Variants in CADM1 observed in about 807,000 individuals in gnomAD.
CADM1 encodes the protein TSLC-1.
A neutral mutation model predicts 53.1 loss-of-function variants in CADM1; 15 were observed. The ratio of observed to expected loss-of-function variants is 0.28; its 90% CI spans 0.19 to 0.44. The LOEUF (loss-of-function observed/expected upper bound fraction) is 0.44. Ranked by LOEUF, CADM1 falls within the 20% of genes least tolerant of loss-of-function variation. The probability of loss-of-function intolerance (pLI) is 1.00; values close to 1 mark genes in which losing one functional copy is unlikely to be tolerated. For synonymous variants in CADM1, 281 were observed against 243.0 expected (o/e 1.16, Z -1.45); for missense variants, 434 against 611.3 (o/e 0.71, Z 3.06).
chr11:115,186,063 G>A (rs529880020), intron 10 of CADM1, among the ~76,000 whole-genome samples: 27 of 152,346 alleles, frequency 1.8e-4, no homozygotes, highest in African/African-American at 6.5e-4. Flanking sequence ...GTTGGATTAT[G>A]AGAAAGACCA....
At chr11:115,285,720 T>A (rs1013756596) in intron 1 of CADM1, among the ~76,000 whole-genome samples, 1 of 152,118 alleles carries the variant, frequency 6.6e-6, no homozygotes, top group Non-Finnish European at 1.5e-5. Context: ...AATTAATGTG[T>A]CTAAGAGCAC....
chr11:115,297,705 T>A (rs1337941049), intron 1 of CADM1, among the ~76,000 whole-genome samples: 1 of 152,208 alleles, frequency 6.6e-6, no homozygotes. Flanking sequence ...TGTGATCCAA[T>A]GCATCCCTAA....
intron 1 of CADM1, among the ~76,000 whole-genome samples, chr11:115,353,996 C>T (rs1355077317): frequency 6.6e-6 from 1 of 152,136 alleles, no homozygotes; most frequent in African/African-American, 2.4e-5. Context: ...TGTTTAAAAT[C>T]ATGCACAGGA....
At chr11:115,311,709 T>C (rs1476118002) in intron 1 of CADM1, among the ~76,000 whole-genome samples, 2 of 152,148 alleles carry the variant, frequency 1.3e-5, no homozygotes, top group Non-Finnish European at 2.9e-5. Flanking sequence ...GCATGGAGCT[T>C]GCAGAAAGTC....
At chr11:115,413,641 G>GTTTTTTTTTTTTT (rs1215267771) in intron 1 of CADM1, among the ~76,000 whole-genome samples, 3 of 94,194 alleles carry the variant, frequency 3.2e-5, no homozygotes, top group Non-Finnish European at 8.2e-5. Flanking sequence ...CTCCAGCTCA[G>GTTTTTTTTTTTTT]TTCTTTTTTT....
chr11:115,434,862 TA>T (rs1304128016), intron 1 of CADM1, among the ~76,000 whole-genome samples: 1,623 of 141,838 alleles, frequency 0.011, 39 homozygotes, highest in African/African-American at 0.034. Context: ...TTATTATTAT[TA>T]TTTTTTTTTT....
intron 1 of CADM1, among the ~76,000 whole-genome samples, chr11:115,334,354 G>C (rs956961317): frequency 5.3e-5 from 8 of 151,954 alleles, no homozygotes; most frequent in Non-Finnish European, 8.8e-5. Context: ...TAAACCTTAA[G>C]TCAATCACAA....
intron 1 of CADM1, among the ~76,000 whole-genome samples, chr11:115,320,764 G>A (rs1944803363): frequency 6.6e-6 from 1 of 151,892 alleles, no homozygotes; most frequent in East Asian, 1.9e-4. Flanking sequence ...ATGTTTTTGT[G>A]ATGAAAATAC....
At chr11:115,415,184 A>C (rs1947561941) in intron 1 of CADM1, among the ~76,000 whole-genome samples, 1 of 152,218 alleles carries the variant, frequency 6.6e-6, no homozygotes. Context: ...AAAGTGAACT[A>C]TTCCCTACCT....
At chr11:115,315,380 T>C (rs1159509278) in intron 1 of CADM1, among the ~76,000 whole-genome samples, 2 of 152,170 alleles carry the variant, frequency 1.3e-5, no homozygotes, top group African/African-American at 4.8e-5. Flanking sequence ...TGACTTGTCC[T>C]GAAGAAATGA....
chr11:115,275,282 C>T (rs1272382370), intron 1 of CADM1, among the ~76,000 whole-genome samples: 3 of 152,164 alleles, frequency 2.0e-5, no homozygotes, highest in African/African-American at 7.2e-5. Flanking sequence ...CCAATCAATT[C>T]CAACTCATTT....
At chr11:115,397,461 A>C (rs1947029327) in intron 1 of CADM1, 1 of 152,172 alleles carries the variant, frequency 6.6e-6, no homozygotes. Context: ...ATCAAGATGT[A>C]GAATAGTACA....
intron 1 of CADM1, among the ~76,000 whole-genome samples, chr11:115,272,472 T>C (rs73574173): frequency 2.6e-5 from 4 of 152,258 alleles, no homozygotes; most frequent in Non-Finnish European, 2.9e-5. Flanking sequence ...CTAACTAGTA[T>C]ACAGCTAGAT....
In CADM1 at chr11:115,422,743, T is replaced by C. The variant is rs1947790181; in HGVS notation, c.124+81528A>G. Among the ~76,000 whole-genome samples the C allele has an allele frequency of 2.0e-5, 3 of 152,354 alleles. No individual in the cohort carries two copies. The South Asian group carries it at 6.2e-4, about 32-fold the overall frequency. On this transcript the variant is annotated intron_variant, in intron 1 of 11. Coordinates refer to ENST00000331581, the MANE Select transcript of CADM1 (RefSeq NM_001301043.2). ...AAGAGAAAAACTATAAGCTGATCTTTAACATTAAATATTTAATGTGTTTTT... is the reference window on the plus strand; with the variant it reads ...AAGAGAAAAACTATAAGCTGATCTTCAACATTAAATATTTAATGTGTTTTT...
At chr11:115,209,693 T>C (rs770599111) in intron 7 of CADM1, 36 bp from the exon 8 acceptor site, 4 of 1,610,296 alleles carry the variant, frequency 2.5e-6, no homozygotes, top group Admixed American at 1.7e-5. Flanking sequence ...AAACCCACAA[T>C]GCTGAACACA....
intron 1 of CADM1, among the ~76,000 whole-genome samples, chr11:115,251,099 A>T (rs1267713192): frequency 6.6e-6 from 1 of 152,244 alleles, no homozygotes; most frequent in Non-Finnish European, 1.5e-5. Context: ...TGTGATACTG[A>T]TAAAATTAGC....
rs188662882 is a variant in CADM1, at chr11:115,291,118, G to A, written c.125-50698C>T. Reference sequence around the variant, plus strand: ...CATGGAGGAGGCTCTGTGGAGTGGCGCAGGAAATCCAGAGGCGAGAGCAAC... The same window carrying A: ...CATGGAGGAGGCTCTGTGGAGTGGCACAGGAAATCCAGAGGCGAGAGCAAC... On this transcript the variant is annotated intron_variant, in intron 1 of 11. Transcript: ENST00000331581. Among the ~76,000 whole-genome samples, 3 of 152,254 alleles carry A rather than the reference G, an allele frequency of 2.0e-5. 1 individual carries two copies. The highest frequency in any genetic ancestry group is 6.8e-3 in the Middle Eastern group (2 of 294).
intron 3 of CADM1, among the ~76,000 whole-genome samples, chr11:115,234,595 G>A (rs1941944460): frequency 6.6e-6 from 1 of 152,064 alleles, no homozygotes; most frequent in Non-Finnish European, 1.5e-5. Context: ...AACTTCAGAA[G>A]CATTAGAAAA....
intron 8 of CADM1, among the ~76,000 whole-genome samples, chr11:115,200,052 A>G (rs1466982568): frequency 1.3e-5 from 2 of 152,326 alleles, no homozygotes; most frequent in African/African-American, 4.8e-5. Flanking sequence ...ATCCTATACC[A>G]TCAAAAATTA....
Sources: allele counts gnomAD v4.1 joint callset (sites outside exome capture counted in the v4.1 genomes callset), GRCh38; gene constraint gnomAD v4.1.1; transcripts MANE v1.5; gene names NCBI Gene and HGNC (gene_info 2026-07-23, HGNC 2026-07-21).